Variants in CAMK1 observed in about 807,000 individuals in gnomAD.
CAMK1 encodes the protein calcium/calmodulin dependent protein kinase I, also known as calcium/calmodulin-dependent protein kinase type 1.
Under a neutral mutation model 49.1 loss-of-function variants are expected in CAMK1, and 39 were observed. The observed-to-expected ratio is 0.79, with a 90% CI of 0.62 to 1.04. The LOEUF is 1.04. Among genes scored for constraint, CAMK1 ranks in the 50% least tolerant of loss-of-function variants. CAMK1 has a pLI of 0.00. For synonymous variants in CAMK1, 192 were observed against 185.2 expected, an observed-to-expected ratio of 1.04 and a Z score of -0.30; for missense variants, 457 against 472.2, an observed-to-expected ratio of 0.97 and a Z score of 0.30.
Position 9,762,946 on chromosome 3 carries a change from G to A in CAMK1, c.397C>T (p.His133Tyr). Residue 133 changes from histidine (H) to tyrosine (Y), a missense_variant, in exon 5 of 12, where the codon CAT becomes TAT. Transcript: ENST00000256460. ...FQVLDAVKYLHDLGIVHRDLK... is the reference protein window; with the variant it reads ...FQVLDAVKYLYDLGIVHRDLK... ...TCCCGGTGTACAATGCCCAGGTCAT[G>A]CAGGTATTTCACAGCATCCAGCACC... is the stretch of plus-strand genomic sequence containing the variant. The A allele has an allele frequency of 6.2e-7, 1 of 1,614,154 alleles. No homozygotes were observed. Among genetic ancestry groups the A allele is most frequent in the Non-Finnish European group, 8.5e-7 (1 of 1,180,028 alleles).
At chr3:9,759,887 A>G (rs1159401696) in intron 8 of CAMK1, 137 bp from the exon 9 acceptor site, 5 of 1,445,558 alleles carry the variant, frequency 3.5e-6, no homozygotes, top group Non-Finnish European at 4.7e-6. Flanking sequence ...CACCCCACCC[A>G]ACCTATGCTC....
intron 3 of CAMK1, among the ~76,000 whole-genome samples, chr3:9,764,623 T>G (rs564973111): frequency 5.4e-5 from 7 of 129,932 alleles, no homozygotes; most frequent in South Asian, 2.6e-4. Context: ...TTTTGTTTTT[T>G]TTTTGTTTTT....
At chr3:9,768,622 C>G (rs994728226) in intron 1 of CAMK1, among the ~76,000 whole-genome samples, 1 of 152,212 alleles carries the variant, frequency 6.6e-6, no homozygotes, top group Non-Finnish European at 1.5e-5. Flanking sequence ...CAAAGGCCAT[C>G]GAATGGCCTT....
At chr3:9,767,580 A>G in intron 2 of CAMK1, 87 bp downstream of exon 2, 1 of 1,553,722 alleles carries the variant, frequency 6.4e-7, no homozygotes, top group East Asian at 2.3e-5. Flanking sequence ...GCTGTGGGAA[A>G]CAGGAAGCAT....
intron 2 of CAMK1, chr3:9,766,328 G>C: frequency 1.4e-6 from 1 of 690,594 alleles, no homozygotes; most frequent in South Asian, 1.5e-5. Flanking sequence ...TCTACCCCTG[G>C]GCTTTTGGAT....
intron 5 of CAMK1, among the ~76,000 whole-genome samples, chr3:9,762,563 G>C (rs945414865): frequency 6.6e-6 from 1 of 152,050 alleles, no homozygotes; most frequent in Non-Finnish European, 1.5e-5. Flanking sequence ...TTTTGGTAGA[G>C]ACAGGGTTTT....
At chr3:9,768,738 C>G (rs2078225704) in intron 1 of CAMK1, among the ~76,000 whole-genome samples, 1 of 152,210 alleles carries the variant, frequency 6.6e-6, no homozygotes, top group Non-Finnish European at 1.5e-5. Context: ...GCTTTGTGAC[C>G]TCAGGGAGAG....
At chr3:9,759,184 C>T in intron 10 of CAMK1, 1 of 1,610,790 alleles carries the variant, frequency 6.2e-7, no homozygotes, top group Non-Finnish European at 8.5e-7. Flanking sequence ...ACTTAACTGA[C>T]AGCTCTGTCA....
Position 9,757,763 on chromosome 3 carries a change from C to G in CAMK1, c.996G>C (p.Ala332=). ...GTSQEGQGQT[A]SHGELLTPVA... ...CTGGTGTCAGCAGCTCCCCATGGCT[C>G]GCCGTCTGCCCCTGCCCCTCCTGGC... The change falls in exon 11 of 12, where the codon GCG becomes GCC. Residue 332 remains alanine (A), a synonymous_variant. Transcript: ENST00000256460. This position sits in a 1 kb window ranked among gnomAD's most constrained non-coding sequence, Gnocchi z 4.5. The G allele has an allele frequency of 6.2e-7, 1 of 1,614,140 alleles. No homozygotes were observed. The highest frequency in any genetic ancestry group is 8.5e-7 in the Non-Finnish European group (1 of 1,179,998).
chr3:9,769,121 CCA>C (rs2078236390), intron 1 of CAMK1, among the ~76,000 whole-genome samples: 1 of 152,008 alleles, frequency 6.6e-6, no homozygotes, highest in Non-Finnish European at 1.5e-5. Context: ...CATGTCCACA[CCA>C]CACAGTGCCC....
chr3:9,759,681 T>A lies in CAMK1; in HGVS notation c.815A>T (p.Gln272Leu). 6.2e-7 allele frequency: 1 copy of A among 1,614,224 alleles called. No individual in the cohort carries two copies. The change falls in exon 9 of 12, where the codon CAG (glutamine) becomes CTG (leucine). Residue 272 changes from glutamine to leucine, a missense_variant. Transcript: ENST00000256460. The stretch of plus-strand genomic sequence containing the variant: ...TTGTGTGAATTCTCACCATGGGTGC[T>A]GCAAGGCCTGCTCACAGGTGAATCT... ...EKRFTCEQAL[Q>L]HPWIAGDTAL...
intron 10 of CAMK1, 162 bp from the exon 11 acceptor site, chr3:9,758,008 T>C (rs2077667281): frequency 2.6e-6 from 3 of 1,157,258 alleles, no homozygotes; most frequent in African/African-American, 3.1e-5. Context: ...TACAAGGCTT[T>C]ATTATATATT....
rs1455143563 is a variant in CAMK1, at chr3:9,765,855, T to C, written c.119A>G (p.Lys40Arg). The change falls in exon 3 of 12, where the codon AAG becomes AGG. Residue 40 changes from lysine (K) to arginine (R), a missense_variant. By Grantham distance (26) the Lys-to-Arg change is conservative (BLOSUM62 2). Coordinates refer to ENST00000256460, the MANE Select transcript of CAMK1 (RefSeq NM_003656.5). ...AFSEVILAED[K>R]RTQKLVAIKC... is the part of the protein sequence containing the mutation. ...GATGGCCACCAGCTTCTGCGTCCTC[T>C]TATCTTCTGCCAGGATCACCTCCGA... The C allele has an allele frequency of 6.2e-7, 1 of 1,614,002 alleles. No individual in the cohort carries two copies. Among genetic ancestry groups the C allele is most frequent in the East Asian group, 2.2e-5 (1 of 44,892 alleles).
rs770675137 is a variant in CAMK1 at position 9,760,625 on chromosome 3, G to A, written c.745+31C>T. ...AGGTGAGGGAGGAACCAGAGGCAGG[G>A]CCCAGGGGAAAAAAGCAAAGCCCCA... On this transcript the variant is annotated intron_variant, in intron 8 of 11. Transcript: ENST00000256460. 3 of 1,611,886 alleles carry A rather than the reference G, an allele frequency of 1.9e-6. No homozygotes were observed. The South Asian group carries it at 3.3e-5, about 18-fold the overall frequency.
At position 9,757,354 on chromosome 3, in the gene CAMK1, A is replaced by C; in HGVS notation, c.*185T>G. 1.2e-6 allele frequency: 2 copies of C among 1,614,086 alleles called. No individual in the cohort carries two copies. The highest frequency in any genetic ancestry group is 1.7e-6 in the Non-Finnish European group (2 of 1,179,990). On this transcript the variant is annotated 3_prime_UTR_variant, in exon 12 of 12. Coordinates refer to ENST00000256460, the MANE Select transcript of CAMK1 (RefSeq NM_003656.5). This position sits in a 1 kb window ranked among gnomAD's most constrained non-coding sequence, Gnocchi z 4.5. ...GGGAGACAGCGCTAAGGATGGTTTT[A>C]TCTTCCCTTTATTACAAGAAGGAAC... is the stretch of plus-strand genomic sequence containing the variant.
At chr3:9,766,227 A>C in intron 2 of CAMK1, 1 of 722,178 alleles carries the variant, frequency 1.4e-6, no homozygotes, top group Non-Finnish European at 2.5e-6. Context: ...CTTGGGAATG[A>C]AATTAACACA....
intron 8 of CAMK1, 43 bp downstream of exon 8, chr3:9,760,611 GAA>G: frequency 1.2e-6 from 2 of 1,604,226 alleles, no homozygotes; most frequent in Non-Finnish European, 1.7e-6. Flanking sequence ...GGTGAGGGAG[GAA>G]CCAGAGGCAG....
chr3:9,760,850 TCAGG>T, intron 7 of CAMK1, 82 bp from the exon 8 acceptor site: 1 of 1,589,334 alleles, frequency 6.3e-7, no homozygotes, highest in African/African-American at 1.3e-5. Context: ...GTCTCAGGGG[TCAGG>T]CAGGAGCCAT....
In CAMK1 at chr3:9,761,512, G is replaced by T; in HGVS notation, c.581C>A (p.Pro194His). 6 of 1,613,572 alleles carry T rather than the reference G, an allele frequency of 3.7e-6. No homozygotes were observed. Among genetic ancestry groups the T allele is most frequent in the Non-Finnish European group, 5.1e-6 (6 of 1,179,718 alleles). ...CCAGCAATCCACAGCCTTGCTGTAG[G>T]GCTTCTGGGCCAGGACTTCAGGGGC... ...YVAPEVLAQK[P>H]YSKAVDCWSI... is the part of the protein sequence containing the mutation. The change falls in exon 7 of 12, where the codon CCC becomes CAC. Residue 194 changes from proline (P) to histidine (H), a missense_variant. Coordinates refer to ENST00000256460, the MANE Select transcript of CAMK1 (RefSeq NM_003656.5).
Sources: allele counts gnomAD v4.1 joint callset (sites outside exome capture counted in the v4.1 genomes callset), GRCh38; gene constraint gnomAD v4.1.1; non-coding constraint Gnocchi (gnomAD v3.1); transcripts MANE v1.5; gene names NCBI Gene and HGNC (gene_info 2026-07-23, HGNC 2026-07-21).